GLCE: variants seen among roughly 807,000 people sequenced by gnomAD.
GLCE encodes the protein D-glucuronyl C5-epimerase.
Under a neutral mutation model 47.9 loss-of-function variants are expected in GLCE, and 19 were observed. That is an observed-to-expected ratio of 0.40 (90% CI 0.28 to 0.58). The LOEUF (loss-of-function observed/expected upper bound fraction) is 0.58. GLCE is among the 20% of genes least tolerant of loss of function. GLCE has a pLI of 0.48. For missense variants in GLCE, 556 were observed against 743.3 expected, an observed-to-expected ratio of 0.75 and a Z score of 2.93; for synonymous variants, 245 against 263.4, an observed-to-expected ratio of 0.93 and a Z score of 0.68.
At chr15:69,226,746 TTTTTTTTTTTTTTTTGAGA>T (rs1385939515) in intron 2 of GLCE, among the ~76,000 whole-genome samples, 1 of 136,684 alleles carries the variant, frequency 7.3e-6, no homozygotes, top group African/African-American at 2.7e-5. Context: ...TTTTTTTTTT[TTTTTTTTTTTTTTTTGAGA>T]CCTAATCTTG....
At position 69,256,285 on chromosome 15, in the gene GLCE, A is replaced by G. The variant is rs758262154; in HGVS notation, c.479A>G (p.Lys160Arg). 57 of 1,613,856 alleles carry G rather than the reference A, an allele frequency of 3.5e-5. No homozygotes were observed. Among genetic ancestry groups the G allele is most frequent in the Non-Finnish European group, 4.6e-5 (54 of 1,179,904 alleles). Residue 160 changes from lysine to arginine, a missense_variant, in exon 3 of 5, where the codon AAA becomes AGA. Lys to Arg is a conservative substitution (Grantham distance 26, BLOSUM62 2). This residue lies in a region of GLCE where 237 missense variants were observed against 310.9 expected (regional missense o/e 0.76). Transcript: ENST00000261858. Reference protein sequence around the residue: ...DRFEFSHSYSKVYAQRAPYHP... With the variant: ...DRFEFSHSYSRVYAQRAPYHP... The stretch of plus-strand genomic sequence containing the variant: ...TTTGAATTCTCTCATAGCTATTCCA[A>G]AGTCTATGCACAGAGAGCCCCCTAT...
intron 1 of GLCE, chr15:69,196,619 C>A: frequency 6.2e-6 from 1 of 161,652 alleles, no homozygotes; most frequent in Non-Finnish European, 1.4e-5. Flanking sequence ...TTGTGCCCGG[C>A]CATCAAAAGT....
intron 2 of GLCE, among the ~76,000 whole-genome samples, chr15:69,250,731 GA>G (rs2052830935): frequency 6.8e-6 from 1 of 146,282 alleles, no homozygotes; most frequent in South Asian, 2.2e-4. Flanking sequence ...CTATAGCCCA[GA>G]ACTCCTGGGC....
chr15:69,192,029 A>G (rs2051920529), intron 1 of GLCE, among the ~76,000 whole-genome samples: 1 of 152,038 alleles, frequency 6.6e-6, no homozygotes, highest in Non-Finnish European at 1.5e-5. Flanking sequence ...ATTTTCAGCA[A>G]TGTATGTGTG....
At chr15:69,164,881 C>T (rs1188673595) in intron 1 of GLCE, among the ~76,000 whole-genome samples, 2 of 152,030 alleles carry the variant, frequency 1.3e-5, no homozygotes, top group Non-Finnish European at 2.9e-5. Flanking sequence ...AATAATATGT[C>T]CTTACTTAAC....
rs575199763 is a variant in GLCE, at chr15:69,270,581, T to A, written c.*1337T>A. ...TTTGAAAATATGATACCCTACACTT[T>A]CAGGGGACCGAGTCTGACAAACACA... On this transcript the variant is annotated 3_prime_UTR_variant, in exon 5 of 5. Coordinates refer to ENST00000261858, the MANE Select transcript of GLCE (RefSeq NM_015554.3). 1 of 152,212 alleles carries A rather than the reference T, an allele frequency of 6.6e-6. No homozygotes were observed. Among genetic ancestry groups the A allele is most frequent in the Non-Finnish European group, 1.5e-5 (1 of 68,046 alleles). 9.4% of individuals were successfully genotyped at this position (152,212 alleles called of 1,614,324 possible).
intron 4 of GLCE, among the ~76,000 whole-genome samples, chr15:69,264,613 A>G (rs1266663034): frequency 6.6e-6 from 1 of 152,174 alleles, no homozygotes; most frequent in African/African-American, 2.4e-5. Flanking sequence ...AGGAACCTCC[A>G]TACTGTTTCC....
intron 1 of GLCE, chr15:69,196,503 G>A (rs1253401098): frequency 2.8e-5 from 5 of 181,100 alleles, no homozygotes; most frequent in South Asian, 1.3e-4. Flanking sequence ...GAGACAACTC[G>A]CAGCATCAAC....
chr15:69,256,992 A>G (rs2052934377), intron 3 of GLCE, among the ~76,000 whole-genome samples: 1 of 152,250 alleles, frequency 6.6e-6, no homozygotes, highest in Non-Finnish European at 1.5e-5. Flanking sequence ...ACTTTAAAGT[A>G]TATCACTTAA....
At chr15:69,258,271 G>C (rs1269369702) in intron 3 of GLCE, among the ~76,000 whole-genome samples, 1 of 151,952 alleles carries the variant, frequency 6.6e-6, no homozygotes, top group Non-Finnish European at 1.5e-5. Flanking sequence ...TCCTGCGTTG[G>C]TTTGCTAAGG....
intron 3 of GLCE, 77 bp from the exon 4 acceptor site, chr15:69,261,010 A>G (rs760766363): frequency 7.4e-7 from 1 of 1,353,902 alleles, no homozygotes; most frequent in East Asian, 2.3e-5. Flanking sequence ...CCCAGAAGTA[A>G]ATCAGTGAGG....
At chr15:69,203,705 T>C (rs2140366440) in intron 1 of GLCE, among the ~76,000 whole-genome samples, 1 of 152,246 alleles carries the variant, frequency 6.6e-6, no homozygotes, top group Admixed American at 6.5e-5. Flanking sequence ...TGTAATATTA[T>C]GACAAGAAAA....
chr15:69,200,791 A>G (rs887986290), intron 1 of GLCE, among the ~76,000 whole-genome samples: 3 of 152,140 alleles, frequency 2.0e-5, no homozygotes, highest in African/African-American at 7.2e-5. Context: ...AAGCTTTTTA[A>G]TCTTACAGTT....
Position 69,268,580 on chromosome 15 carries a change from C to G in GLCE, c.1190C>G (p.Ser397Cys), listed in dbSNP as rs201612284. The change falls in exon 5 of 5, where the codon TCT (serine) becomes TGT (cysteine). Residue 397 changes from serine (S) to cysteine (C), a missense_variant. Ser to Cys is a moderately radical substitution (Grantham distance 112, BLOSUM62 -1). Transcript: ENST00000261858. The stretch of plus-strand genomic sequence containing the variant: ...GGATTCCTCGACAACATTACCATCT[C>G]TACCACAGCCCACATGGCTGCATTT... ...GKGFLDNITI[S>C]TTAHMAAFFA... 4.6e-5 allele frequency: 74 copies of G among 1,614,206 alleles called. No individual in the cohort carries two copies. In the African/African-American group the frequency reaches 8.8e-4, roughly 19 times the overall value.
At chr15:69,258,318 C>T (rs1395089169) in intron 3 of GLCE, among the ~76,000 whole-genome samples, 1 of 104,838 alleles carries the variant, frequency 9.5e-6, no homozygotes, top group Non-Finnish European at 2.5e-5. Flanking sequence ...TTCTACAAAG[C>T]ACGTGATCTC....
intron 1 of GLCE, among the ~76,000 whole-genome samples, chr15:69,190,187 G>T (rs1040026939): frequency 1.3e-5 from 2 of 152,016 alleles, no homozygotes; most frequent in African/African-American, 4.8e-5. Context: ...TTGAAACTTA[G>T]TGAGAATGTT....
intron 2 of GLCE, among the ~76,000 whole-genome samples, chr15:69,247,245 G>T (rs747864861): frequency 2.6e-5 from 4 of 152,220 alleles, no homozygotes; most frequent in Non-Finnish European, 5.9e-5. Flanking sequence ...CTTAGCTAGA[G>T]CTTCTGAATA....
intron 1 of GLCE, among the ~76,000 whole-genome samples, chr15:69,161,701 A>G (rs903692993): frequency 6.6e-6 from 1 of 152,128 alleles, no homozygotes; most frequent in South Asian, 2.1e-4. Flanking sequence ...GTTGTTGCCT[A>G]GTTGAAGAAG....
intron 1 of GLCE, among the ~76,000 whole-genome samples, chr15:69,181,918 G>A (rs1433199036): frequency 6.6e-6 from 1 of 151,812 alleles, no homozygotes; most frequent in Non-Finnish European, 1.5e-5. Context: ...TAAGTAAAAA[G>A]GTTGGGTCTT....
Sources: allele counts gnomAD v4.1 joint callset (sites outside exome capture counted in the v4.1 genomes callset), GRCh38; gene constraint gnomAD v4.1.1; regional missense constraint gnomAD v4.1.1; transcripts MANE v1.5; gene names NCBI Gene and HGNC (gene_info 2026-07-23, HGNC 2026-07-21).